CEP131: variants seen among roughly 807,000 people sequenced by gnomAD.
CEP131 encodes centrosomal protein 131, also known as centrosomal protein of 131 kDa.
Under a neutral mutation model 136.8 loss-of-function variants are expected in CEP131, and 99 were observed. The ratio of observed to expected loss-of-function variants is 0.72; its 90% confidence interval spans 0.62 to 0.86. The LOEUF (loss-of-function observed/expected upper bound fraction) is 0.86. Ranked by LOEUF, CEP131 falls within the 40% of genes least tolerant of loss-of-function variation. The pLI, the probability that CEP131 is intolerant of heterozygous loss-of-function variation, is 0.00. For missense variants in CEP131, 1,459 were observed against 1,463.0 expected, an observed-to-expected ratio of 1.00 and a Z score of 0.04; for synonymous variants, 646 against 612.7, an observed-to-expected ratio of 1.05 and a Z score of -0.80.
At chr17:81,212,356 T>C (rs1417397092) in intron 2 of CEP131, among the ~76,000 whole-genome samples, 2 of 150,510 alleles carry the variant, frequency 1.3e-5, no homozygotes, top group Non-Finnish European at 3.0e-5. Flanking sequence ...AGAAAAGATG[T>C]TCAGCCTCAC....
chr17:81,214,553 T>C (rs2062203261), intron 2 of CEP131, among the ~76,000 whole-genome samples: 1 of 120,094 alleles, frequency 8.3e-6, no homozygotes. Flanking sequence ...TGAAACTTCA[T>C]CTCAAAAAAG....
intron 7 of CEP131, among the ~76,000 whole-genome samples, chr17:81,201,494 G>A (rs917720457): frequency 2.0e-5 from 3 of 152,240 alleles, no homozygotes; most frequent in Non-Finnish European, 2.9e-5. Context: ...CACAGCCCCT[G>A]GAGCTTTGGG....
intron 17 of CEP131, 43 bp from the exon 18 acceptor site, chr17:81,194,170 G>GACCACTTCCCA: frequency 6.9e-7 from 1 of 1,450,802 alleles, no homozygotes; most frequent in Non-Finnish European, 9.1e-7. Flanking sequence ...AGCTAGGGTG[G>GACCACTTCCCA]GCCCGGGAAG....
In CEP131 at chr17:81,201,161, C is replaced by T. The variant is rs762441955; in HGVS notation, c.789-715G>A. Among the ~76,000 whole-genome samples, 28 of 152,312 alleles carry T rather than the reference C, an allele frequency of 1.8e-4. 1 individual carries two copies. In the South Asian group the frequency reaches 2.5e-3, roughly 14 times the overall value. ...AAAGGCACTAACAGAGAACCCAGAA[C>T]GTGTGAGCCCTAGCTCGGGAGCAGT... is the stretch of plus-strand genomic sequence containing the variant. On this transcript the variant is annotated intron_variant, in intron 7 of 25. Transcript: ENST00000450824.
chr17:81,193,354 C>T lies in CEP131; in HGVS notation c.2322-511G>A, dbSNP rs530530968. ...AGCTGCATCTGGGGAGGACCAGCCA[C>T]GACAGGCAACAGGGTGGATAGGAGA... On this transcript the variant is annotated intron_variant, in intron 18 of 25. Transcript: ENST00000450824. Among the ~76,000 whole-genome samples the T allele has an allele frequency of 1.1e-4, 17 of 152,332 alleles. No individual in the cohort carries two copies. In the East Asian group the frequency reaches 1.7e-3, roughly 16 times the overall value.
In CEP131 at chr17:81,202,195, G is replaced by A. The variant is rs376746615; in HGVS notation, c.788+45C>T. On this transcript the variant is annotated intron_variant, in intron 7 of 25. Coordinates refer to ENST00000450824, the MANE Select transcript of CEP131 (RefSeq NM_014984.4). ...CAGACCCTGATGCCTGCCCACCTCT[G>A]TGTTCTAGGCTCAGGCCCCCCCCCA... 2.1e-5 allele frequency: 28 copies of A among 1,357,450 alleles called. 1 individual carries two copies. The highest frequency in any genetic ancestry group is 2.6e-5 in the Non-Finnish European group (27 of 1,030,822). The allele number at this position is 1,357,450 out of a possible 1,614,324, so 84.1% of individuals were successfully genotyped here.
rs757778886 is a variant in CEP131, at chr17:81,197,026, G to A, written c.1677C>T (p.Pro559=). The change falls in exon 14 of 26, where the codon CCC becomes CCT. Residue 559 remains proline, a synonymous_variant. Transcript: ENST00000450824. ...TGCTCACCTCGGACCCCAGCTCCAG[G>A]GGCCCCGGCCCCGCCTCCGGCACCC... ...EGWVPEAGPG[P]LELGSEVSTS... is the part of the protein sequence containing the mutation. The A allele has an allele frequency of 3.1e-6, 5 of 1,592,676 alleles. No homozygotes were observed. The South Asian group carries it at 4.5e-5, about 14-fold the overall frequency.
chr17:81,220,743 C>T (rs1214139794), intron 1 of CEP131, among the ~76,000 whole-genome samples: 5 of 151,968 alleles, frequency 3.3e-5, no homozygotes, highest in South Asian at 2.1e-4. Context: ...TCAGGTGATT[C>T]GCCTGCCTCG....
intron 19 of CEP131, 51 bp downstream of exon 19, chr17:81,192,685 G>GGGGGGGGGGGGCGCGCCC: frequency 6.3e-6 from 3 of 478,438 alleles, no homozygotes; most frequent in Non-Finnish European, 1.2e-5. Flanking sequence ...GGGGGGAGGG[G>GGGGGGGGGGGGCGCGCCC]TCAGCCAGCG....
intron 24 of CEP131, 102 bp from the exon 25 acceptor site, chr17:81,190,077 G>T: frequency 9.2e-7 from 1 of 1,087,060 alleles, no homozygotes; most frequent in Non-Finnish European, 1.3e-6. Context: ...GGTCAGCCTG[G>T]TCCCAGCCCT....
chr17:81,197,701 T>C lies in CEP131; in HGVS notation c.1647+11A>G. 6.2e-7 allele frequency: 1 copy of C among 1,604,392 alleles called. No homozygotes were observed. The highest frequency in any genetic ancestry group is 1.1e-5 in the South Asian group (1 of 90,658). ...CCACTGGGGGCCGGGTGCGGGCTGGTGAGGGGCCACCTCCTGCTGGGAGTC... is the reference window on the plus strand; with the variant it reads ...CCACTGGGGGCCGGGTGCGGGCTGGCGAGGGGCCACCTCCTGCTGGGAGTC... On this transcript the variant is annotated intron_variant, in intron 13 of 25. Transcript: ENST00000450824.
rs745424194 is a variant in CEP131, at chr17:81,196,799, G to A, written c.1801C>T (p.Arg601Trp). The change falls in exon 15 of 26, where the codon CGG (arginine) becomes TGG (tryptophan). Residue 601 changes from arginine (R) to tryptophan (W), a missense_variant. Coordinates refer to ENST00000450824, the MANE Select transcript of CEP131 (RefSeq NM_014984.4). ...LAQQRDLTAR[R>W]VKETEKALSR... ...AGCGCCTTCTCTGTCTCCTTGACCC[G>A]CCGGGCCGTGAGGTCTCGCTGCTGC... The A allele has an allele frequency of 1.4e-5, 22 of 1,590,296 alleles. No homozygotes were observed. Among genetic ancestry groups the A allele is most frequent in the Admixed American group, 1.8e-5 (1 of 56,316 alleles).
chr17:81,210,293 C>A (rs1423876634), intron 2 of CEP131, among the ~76,000 whole-genome samples: 1 of 152,178 alleles, frequency 6.6e-6, no homozygotes, highest in South Asian at 2.1e-4. Flanking sequence ...TGGAGACCGC[C>A]GGGCGCGGTG....
chr17:81,194,228 C>T (rs1194316393), intron 17 of CEP131, 101 bp from the exon 18 acceptor site: 13 of 1,163,630 alleles, frequency 1.1e-5, no homozygotes, highest in South Asian at 3.5e-5. Flanking sequence ...GAGGGGACCC[C>T]GCCCACCCAG....
Position 81,198,099 on chromosome 17 carries a change from C to T in CEP131, c.1470+16G>A, listed in dbSNP as rs565148999. ...GGGTGGACAGACTGTGCAGGGCGGG[C>T]GCACACCGTGGTCACCTCGCTGGCC... is the stretch of plus-strand genomic sequence containing the variant. On this transcript the variant is annotated intron_variant, in intron 12 of 25. Transcript: ENST00000450824. 93 of 1,546,056 alleles carry T rather than the reference C, an allele frequency of 6.0e-5. No individual in the cohort carries two copies. The South Asian group carries it at 9.1e-4, about 15-fold the overall frequency.
chr17:81,198,256 C>G lies in CEP131; in HGVS notation c.1329G>C (p.Met443Ile). Residue 443 changes from methionine to isoleucine, a missense_variant, in exon 12 of 26, where the codon ATG (methionine) becomes ATC (isoleucine). Met to Ile is a conservative substitution (Grantham distance 10). Transcript: ENST00000450824. ...AQDAAGDNLEMMAPSRGSAKS... is the reference protein window; with the variant it reads ...AQDAAGDNLEIMAPSRGSAKS... ...TGGCGCTCCCCCTGCTCGGGGCCAT[C>G]ATCTCCAGGTTGTCCCCAGCTGCAT... 6.2e-7 allele frequency: 1 copy of G among 1,604,320 alleles called. No homozygotes were observed. Among genetic ancestry groups the G allele is most frequent in the African/African-American group, 1.3e-5 (1 of 74,794 alleles).
chr17:81,193,172 G>A (rs1421096086), intron 18 of CEP131, among the ~76,000 whole-genome samples: 4 of 152,214 alleles, frequency 2.6e-5, no homozygotes, highest in East Asian at 1.9e-4. Context: ...ATTGCCCCAC[G>A]GGCATGGAGG....
At chr17:81,217,908 G>C (rs893650512) in intron 2 of CEP131, among the ~76,000 whole-genome samples, 1 of 152,162 alleles carries the variant, frequency 6.6e-6, no homozygotes, top group Non-Finnish European at 1.5e-5. Context: ...GATAGAGCCT[G>C]GCCATGCCGC....
chr17:81,209,057 A>G, intron 2 of CEP131, 35 bp from the exon 3 acceptor site: 1 of 1,480,436 alleles, frequency 6.8e-7, no homozygotes, highest in East Asian at 2.3e-5. Flanking sequence ...ATTATGCAGC[A>G]AAGGCTCACT....
Sources: gnomAD v4.1 joint callset for allele counts (sites outside exome capture counted in the v4.1 genomes callset) on GRCh38, gnomAD v4.1.1 for gene constraint, MANE v1.5 for transcripts, NCBI Gene and HGNC (gene_info 2026-07-23, HGNC 2026-07-21) for gene names.